The following GRK5 variants were observed in gnomAD, a reference collection of about 807,000 sequenced individuals.
GRK5 encodes G protein-coupled receptor kinase 5.
A neutral mutation model predicts 78.4 loss-of-function variants in GRK5; 40 were observed. The ratio of observed to expected loss-of-function variants is 0.51; its 90% CI spans 0.40 to 0.66. The LOEUF (loss-of-function observed/expected upper bound fraction) is 0.66, where lower values mean the gene tolerates loss of function less well. GRK5 is among the 30% of genes least tolerant of loss of function. The probability of loss-of-function intolerance (pLI) is 0.00; values close to 1 mark genes in which losing one functional copy is unlikely to be tolerated. For missense variants in GRK5, 598 were observed against 759.9 expected, an observed-to-expected ratio of 0.79 and a Z score of 2.50; for synonymous variants, 289 against 296.8, an observed-to-expected ratio of 0.97 and a Z score of 0.27.
intron 1 of GRK5, among the ~76,000 whole-genome samples, chr10:119,299,382 G>A (rs1311527968): frequency 6.6e-6 from 1 of 150,654 alleles, no homozygotes; most frequent in Non-Finnish European, 1.5e-5. Context: ...GCAGTGAGCC[G>A]AGATCACGCC....
chr10:119,247,357 C>T (rs1414260142), intron 1 of GRK5, among the ~76,000 whole-genome samples: 1 of 152,164 alleles, frequency 6.6e-6, no homozygotes, highest in Non-Finnish European at 1.5e-5. Context: ...TGAGGGAAAT[C>T]TCATTTCCAC....
chr10:119,361,109 A>T (rs959933131), intron 2 of GRK5, among the ~76,000 whole-genome samples: 2 of 152,098 alleles, frequency 1.3e-5, no homozygotes, highest in African/African-American at 4.8e-5. Context: ...ATGCACTGTG[A>T]CCTTGGGCAA....
intron 2 of GRK5, among the ~76,000 whole-genome samples, chr10:119,361,483 G>A (rs1851361737): frequency 6.6e-6 from 1 of 152,232 alleles, no homozygotes; most frequent in East Asian, 1.9e-4. Context: ...ACACAACCAT[G>A]GATAAGACAG....
At chr10:119,298,428 G>C (rs1365766857) in intron 1 of GRK5, among the ~76,000 whole-genome samples, 1 of 152,172 alleles carries the variant, frequency 6.6e-6, no homozygotes, top group Non-Finnish European at 1.5e-5. Context: ...CTTTGTTTCT[G>C]GTCCCACCGA....
chr10:119,444,041 G>A (rs1402614785), intron 12 of GRK5, among the ~76,000 whole-genome samples: 1 of 152,096 alleles, frequency 6.6e-6, no homozygotes, highest in East Asian at 1.9e-4. Flanking sequence ...CTGTGGGGGG[G>A]TCCACACAGG....
At chr10:119,299,472 A>G (rs1850139495) in intron 1 of GRK5, among the ~76,000 whole-genome samples, 1 of 152,068 alleles carries the variant, frequency 6.6e-6, no homozygotes, top group Admixed American at 6.5e-5. Flanking sequence ...CAGGAGAGAC[A>G]GTAAAATCCT....
chr10:119,452,432 C>T lies in GRK5; in HGVS notation c.1405-239C>T. The T allele has an allele frequency of 1.9e-6, 1 of 528,604 alleles. No individual in the cohort carries two copies. Among genetic ancestry groups the T allele is most frequent in the Non-Finnish European group, 3.4e-6 (1 of 294,402 alleles). The allele number at this position is 528,604 out of a possible 1,614,324, so 32.7% of individuals were successfully genotyped here. A position where few individuals can be genotyped will look rare whatever the true frequency, so the allele number is the denominator to read the frequency against. On this transcript the variant is annotated intron_variant, in intron 13 of 15. Transcript: ENST00000392870. This position sits in a 1 kb window ranked among gnomAD's most constrained non-coding sequence, Gnocchi z 4.4. ...TGCACTGTCATCTGGAGGGGTCGCA[C>T]AAAAAAACCACAGGCCATCATCTGA...
In GRK5 at chr10:119,304,284, C is replaced by CTT. The variant is rs59740732; in HGVS notation, c.53-22208_53-22207dup. Among the ~76,000 whole-genome samples, 582 of 75,042 alleles carry CTT rather than the reference C, an allele frequency of 7.8e-3. 27 individuals carry two copies. Among genetic ancestry groups the CTT allele is most frequent in the African/African-American group, 0.026 (510 of 19,854 alleles). The allele number at this position is 75,042 out of a possible 152,430, so 49.2% of individuals were successfully genotyped here. ...AGCAGTATGCTAACTGTGTGAGCTGCTTTTTTTTTTTTTTTTTTTTTTTTT... is the reference window on the plus strand; with the variant it reads ...AGCAGTATGCTAACTGTGTGAGCTGCTTTTTTTTTTTTTTTTTTTTTTTTTTT... On this transcript the variant is annotated intron_variant, in intron 1 of 15. Transcript: ENST00000392870.
chr10:119,253,458 A>C lies in GRK5; in HGVS notation c.52+45489A>C, dbSNP rs1418934826. On this transcript the variant is annotated intron_variant, in intron 1 of 15. Transcript: ENST00000392870. This position sits in a 1 kb window ranked among gnomAD's most constrained non-coding sequence, Gnocchi z 5.7. ...TCCGTTCCTTTTATATTTAAATCAG[A>C]AGCTTAGGCTCCTCCGTGTAGCTGC... Among the ~76,000 whole-genome samples the C allele has an allele frequency of 6.6e-6, 1 of 152,176 alleles. No individual in the cohort carries two copies. The highest frequency in any genetic ancestry group is 1.5e-5 in the Non-Finnish European group (1 of 68,038).
At position 119,455,276 on chromosome 10, in the gene GRK5, G is replaced by A. The variant is rs1564943360; in HGVS notation, c.*209G>A. The A allele has an allele frequency of 8.6e-6, 6 of 698,200 alleles. No homozygotes were observed. The highest frequency in any genetic ancestry group is 5.2e-6 in the Non-Finnish European group (2 of 382,538). 43.3% of individuals were successfully genotyped at this position (698,200 alleles called of 1,614,324 possible). ...GTTTTCCGAGGCGGCCCCGGCCGGG[G>A]TGGATTGGATTTGTCTTTGGTGAAC... On this transcript the variant is annotated 3_prime_UTR_variant, in exon 16 of 16. Transcript: ENST00000392870.
At chr10:119,318,354 T>C (rs1469442735) in intron 1 of GRK5, among the ~76,000 whole-genome samples, 1 of 152,198 alleles carries the variant, frequency 6.6e-6, no homozygotes, top group Admixed American at 6.5e-5. Context: ...AGATGACATG[T>C]TACTGGTGCA....
At chr10:119,249,671 A>T (rs968038641) in intron 1 of GRK5, among the ~76,000 whole-genome samples, 56 of 151,986 alleles carry the variant, frequency 3.7e-4, no homozygotes, top group South Asian at 1.9e-3. Flanking sequence ...CTAATTTTTT[A>T]AATATTTTTA....
chr10:119,430,601 T>C lies in GRK5; in HGVS notation c.597+163T>C, dbSNP rs915120. ...GAGGGTGGGAGAGAGTCAGTGGCCT[T>C]GGGGCTATCAGGTGTGTCTATGGTG... is the stretch of plus-strand genomic sequence containing the variant. On this transcript the variant is annotated intron_variant, in intron 7 of 15. Coordinates refer to ENST00000392870, the MANE Select transcript of GRK5 (RefSeq NM_005308.3). This position sits in a 1 kb window ranked among gnomAD's most constrained non-coding sequence, Gnocchi z 4.5. Among the ~76,000 whole-genome samples the C allele has an allele frequency of 0.47, 70,760 of 151,670 alleles. 17,077 individuals carry two copies. Among genetic ancestry groups the C allele is most frequent in the African/African-American group, 0.59 (24,587 of 41,364 alleles).
At chr10:119,360,412 C>T (rs952249890) in intron 2 of GRK5, among the ~76,000 whole-genome samples, 1 of 152,050 alleles carries the variant, frequency 6.6e-6, no homozygotes, top group Non-Finnish European at 1.5e-5. Context: ...AGGCCACAGC[C>T]CTTGTGAGTG....
chr10:119,443,156 A>G (rs1057284090), intron 11 of GRK5, among the ~76,000 whole-genome samples: 1 of 152,222 alleles, frequency 6.6e-6, no homozygotes, highest in African/African-American at 2.4e-5. Context: ...ACATAGCAAG[A>G]GATTGTTTGA....
intron 2 of GRK5, among the ~76,000 whole-genome samples, chr10:119,364,997 G>A (rs865906838): frequency 2.6e-5 from 4 of 152,156 alleles, no homozygotes; most frequent in Middle Eastern, 3.4e-3. Flanking sequence ...TAACTGAGGA[G>A]CTACCTATCA....
intron 1 of GRK5, among the ~76,000 whole-genome samples, chr10:119,286,765 G>A (rs1270874555): frequency 6.6e-6 from 1 of 152,264 alleles, no homozygotes; most frequent in Non-Finnish European, 1.5e-5. Context: ...TTGCCTGGAG[G>A]CAGAGGTTTT....
At chr10:119,221,422 G>T (rs916792980) in intron 1 of GRK5, among the ~76,000 whole-genome samples, 1 of 152,202 alleles carries the variant, frequency 6.6e-6, no homozygotes, top group African/African-American at 2.4e-5. Flanking sequence ...CCATGAAATG[G>T]ATGGGTGTCA....
rs1468822275 is a variant in GRK5 at position 119,264,909 on chromosome 10, A to C, written c.52+56940A>C. Among the ~76,000 whole-genome samples, 2 of 152,194 alleles carry C rather than the reference A, an allele frequency of 1.3e-5. No homozygotes were observed. The highest frequency in any genetic ancestry group is 4.8e-5 in the African/African-American group (2 of 41,456). On this transcript the variant is annotated intron_variant, in intron 1 of 15. Coordinates refer to ENST00000392870, the MANE Select transcript of GRK5 (RefSeq NM_005308.3). This position sits in a 1 kb window ranked among gnomAD's most constrained non-coding sequence, Gnocchi z 4.1. ...ATTTGTTCAGAAAACTAAGGTCCAT[A>C]GAGCAAGGCACAGACCTGTCCCTGG...
Sources: gnomAD v4.1 joint callset for allele counts (sites outside exome capture counted in the v4.1 genomes callset) on GRCh38, gnomAD v4.1.1 for gene constraint, Gnocchi (gnomAD v3.1) non-coding constraint, MANE v1.5 for transcripts, NCBI Gene and HGNC (gene_info 2026-07-23, HGNC 2026-07-21) for gene names.